Variants in SYT16 observed in about 807,000 individuals in gnomAD.
SYT16 encodes synaptotagmin 16.
Under a neutral mutation model 61.4 loss-of-function variants are expected in SYT16, and 42 were observed. That is an observed-to-expected ratio of 0.68 (90% CI 0.53 to 0.89). SYT16 has a LOEUF of 0.89. Ranked by LOEUF, SYT16 falls within the 40% of genes least tolerant of loss-of-function variation. The pLI, the probability that SYT16 is intolerant of heterozygous loss-of-function variation, is 0.00. For missense variants in SYT16, 804 were observed against 807.3 expected, an observed-to-expected ratio of 1.00 and a Z score of 0.05; for synonymous variants, 314 against 302.3, an observed-to-expected ratio of 1.04 and a Z score of -0.40.
intron 1 of SYT16, among the ~76,000 whole-genome samples, chr14:61,897,749 C>T (rs1429310883): frequency 6.6e-6 from 1 of 152,024 alleles, no homozygotes; most frequent in Non-Finnish European, 1.5e-5. Flanking sequence ...CAGAAGCCAT[C>T]TGGGAGATAA....
At position 61,960,187 on chromosome 14, in the gene SYT16, CT is replaced by C. The variant is rs200600815; in HGVS notation, c.-324-9939del. ...TAGGATTGCCTTCTTCATTCAGGCT[CT>C]TTTTTGTTTGCATATGAATTTTAAA... On this transcript the variant is annotated intron_variant, in intron 1 of 7. Coordinates refer to ENST00000683842, the MANE Select transcript of SYT16 (RefSeq NM_001367656.1). Among the ~76,000 whole-genome samples the C allele has an allele frequency of 7.7e-3, 1,175 of 152,154 alleles. 5 individuals carry two copies. Among genetic ancestry groups the C allele is most frequent in the Middle Eastern group, 0.017 (5 of 294 alleles).
chr14:61,890,227 G>T (rs1028815751), intron 1 of SYT16, among the ~76,000 whole-genome samples: 10 of 152,156 alleles, frequency 6.6e-5, no homozygotes, highest in African/African-American at 2.2e-4. Flanking sequence ...GGGTAGTTTG[G>T]GTTGGTTGTT....
At chr14:62,035,222 A>G (rs1342417048) in intron 3 of SYT16, among the ~76,000 whole-genome samples, 1 of 152,172 alleles carries the variant, frequency 6.6e-6, no homozygotes, top group Non-Finnish European at 1.5e-5. Flanking sequence ...GATCATGACC[A>G]GTTTTAGCAT....
At chr14:61,890,329 G>A (rs184803124) in intron 1 of SYT16, among the ~76,000 whole-genome samples, 2 of 152,258 alleles carry the variant, frequency 1.3e-5, no homozygotes, top group African/African-American at 4.8e-5. Context: ...TGTTGAGAAG[G>A]CGCTTTGGGT....
chr14:61,989,588 C>A lies in SYT16; in HGVS notation c.-144-6288C>A, dbSNP rs114782502. Among the ~76,000 whole-genome samples, 790 of 152,140 alleles carry A rather than the reference C, an allele frequency of 5.2e-3. 8 individuals are homozygous for A. The highest frequency in any genetic ancestry group is 0.018 in the African/African-American group (756 of 41,526). ...AAAAACAAAACAAAAACAACAACAACAAAAAATTGTCTAATTTGATTTCCA... is the reference window on the plus strand; with the variant it reads ...AAAAACAAAACAAAAACAACAACAAAAAAAAATTGTCTAATTTGATTTCCA... On this transcript the variant is annotated intron_variant, in intron 2 of 7. Transcript: ENST00000683842.
intron 6 of SYT16, among the ~76,000 whole-genome samples, chr14:62,081,848 A>G (rs1454037384): frequency 2.0e-4 from 31 of 152,160 alleles, no homozygotes; most frequent in Admixed American, 1.8e-3. Context: ...TAGTATGCCC[A>G]TCTCCTTTTA....
intron 3 of SYT16, among the ~76,000 whole-genome samples, chr14:61,999,812 T>A (rs1450802743): frequency 6.6e-6 from 1 of 151,848 alleles, no homozygotes; most frequent in Non-Finnish European, 1.5e-5. Context: ...TTTACTTAAT[T>A]GGTTATTTAA....
intron 2 of SYT16, among the ~76,000 whole-genome samples, chr14:61,978,834 C>T (rs1187200887): frequency 6.6e-6 from 1 of 152,184 alleles, no homozygotes; most frequent in Non-Finnish European, 1.5e-5. Flanking sequence ...CTTTTCCTCC[C>T]CACTGCCCCA....
chr14:62,083,215 C>A (rs1438751500), intron 6 of SYT16, among the ~76,000 whole-genome samples: 1 of 152,128 alleles, frequency 6.6e-6, no homozygotes, highest in African/African-American at 2.4e-5. Context: ...TGCAGATGGG[C>A]AGAATATTTG....
intron 1 of SYT16, among the ~76,000 whole-genome samples, chr14:61,865,555 T>A (rs1188169102): frequency 6.6e-6 from 1 of 152,218 alleles, no homozygotes; most frequent in Non-Finnish European, 1.5e-5. Flanking sequence ...CTAAGGTGAC[T>A]GGTATAGTCT....
In SYT16 at chr14:61,906,367, C is replaced by T. The variant is rs144317297; in HGVS notation, c.-324-63765C>T. On this transcript the variant is annotated intron_variant, in intron 1 of 7. Coordinates refer to ENST00000683842, the MANE Select transcript of SYT16 (RefSeq NM_001367656.1). ...GTGCAGTCATGGCTTGCTGTAGCCT[C>T]GAATGCCTGGGTTCAAGCGATCCTC... 3.7e-3 allele frequency among the ~76,000 whole-genome samples: 559 copies of T among 152,246 alleles called. 2 individuals carry two copies. The highest frequency in any genetic ancestry group is 0.013 in the African/African-American group (520 of 41,536).
At chr14:61,926,768 C>T (rs187215737) in intron 1 of SYT16, among the ~76,000 whole-genome samples, 108 of 152,188 alleles carry the variant, frequency 7.1e-4, no homozygotes, top group Admixed American at 2.0e-3. Context: ...TACACAATTT[C>T]GTTTGTGTGG....
chr14:61,966,953 A>G (rs970146326), intron 1 of SYT16, among the ~76,000 whole-genome samples: 1 of 152,252 alleles, frequency 6.6e-6, no homozygotes, highest in Non-Finnish European at 1.5e-5. Context: ...TGCTGAGAGT[A>G]CAATGAGTAA....
chr14:61,891,879 T>TAATAG (rs1354354903), intron 1 of SYT16, among the ~76,000 whole-genome samples: 1 of 152,218 alleles, frequency 6.6e-6, no homozygotes, highest in African/African-American at 2.4e-5. Context: ...TTTTGACACA[T>TAATAG]ATGTTGCTTT....
chr14:61,904,193 A>G (rs889875857), intron 1 of SYT16, among the ~76,000 whole-genome samples: 1 of 152,144 alleles, frequency 6.6e-6, no homozygotes, highest in Non-Finnish European at 1.5e-5. Flanking sequence ...CATTCTGTGG[A>G]GTTTTGAATG....
At chr14:62,096,045 AT>A (rs2057263449) in intron 7 of SYT16, among the ~76,000 whole-genome samples, 1 of 152,034 alleles carries the variant, frequency 6.6e-6, no homozygotes, top group African/African-American at 2.4e-5. Context: ...CATATACAAA[AT>A]TTAGATCCCT....
chr14:62,010,664 AC>A (rs1420894543), intron 3 of SYT16, among the ~76,000 whole-genome samples: 4 of 152,108 alleles, frequency 2.6e-5, no homozygotes, highest in African/African-American at 9.7e-5. Context: ...ATCACAGGAG[AC>A]ATTGCTGTTC....
chr14:61,989,801 T>A (rs1336658093), intron 2 of SYT16, among the ~76,000 whole-genome samples: 2 of 152,194 alleles, frequency 1.3e-5, no homozygotes, highest in Non-Finnish European at 2.9e-5. Context: ...TTGTATTGTC[T>A]CATTTTTCTG....
intron 1 of SYT16, among the ~76,000 whole-genome samples, chr14:61,845,078 C>T (rs542829383): frequency 3.2e-4 from 40 of 125,628 alleles, no homozygotes; most frequent in African/African-American, 1.1e-3. Flanking sequence ...GATAGAGTCT[C>T]ACACTGTCAC....
Sources: allele counts gnomAD v4.1 joint callset (sites outside exome capture counted in the v4.1 genomes callset), GRCh38; gene constraint gnomAD v4.1.1; transcripts MANE v1.5; gene names NCBI Gene and HGNC (gene_info 2026-07-23, HGNC 2026-07-21).